Variants in RTTN observed in about 807,000 individuals in gnomAD.
RTTN encodes the protein rotatin.
A neutral mutation model predicts 269.2 loss-of-function variants in RTTN; 182 were observed. That is an observed-to-expected ratio of 0.68 (90% CI 0.60 to 0.76). The LOEUF is 0.76. Among genes scored for constraint, RTTN ranks in the 30% least tolerant of loss-of-function variants. RTTN has a pLI of 0.00. For synonymous variants in RTTN, 1,006 were observed against 963.5 expected (o/e 1.04, Z -0.82); for missense variants, 2,545 against 2,608.6 (o/e 0.98, Z 0.53).
chr18:70,148,773 T>A, intron 17 of RTTN, 128 bp downstream of exon 17: 1 of 1,091,610 alleles, frequency 9.2e-7, no homozygotes, highest in African/African-American at 1.6e-5. Flanking sequence ...CGCATTGGTT[T>A]CCTCTAGTAA....
At chr18:70,056,531 C>T (rs1328527127) in intron 37 of RTTN, among the ~76,000 whole-genome samples, 3 of 152,152 alleles carry the variant, frequency 2.0e-5, no homozygotes, top group East Asian at 3.8e-4. Context: ...TGAGACAAGC[C>T]CTATGCCAGA....
At chr18:70,064,702 C>T (rs979673988) in intron 35 of RTTN, among the ~76,000 whole-genome samples, 6 of 152,116 alleles carry the variant, frequency 3.9e-5, no homozygotes, top group African/African-American at 1.4e-4. Flanking sequence ...CAGGGAGTGA[C>T]TGCTAATGGG....
chr18:70,035,201 C>G (rs951748184), intron 40 of RTTN, among the ~76,000 whole-genome samples: 1 of 152,064 alleles, frequency 6.6e-6, no homozygotes, highest in Non-Finnish European at 1.5e-5. Context: ...CTTCATAGAA[C>G]TAGAAAAAAC....
At chr18:70,035,820 G>C (rs1357223126) in intron 40 of RTTN, among the ~76,000 whole-genome samples, 1 of 152,048 alleles carries the variant, frequency 6.6e-6, no homozygotes, top group African/African-American at 2.4e-5. Flanking sequence ...TCAGACAAAG[G>C]TCTAATATCC....
chr18:70,124,264 A>G (rs2059809052), intron 25 of RTTN, among the ~76,000 whole-genome samples: 1 of 152,040 alleles, frequency 6.6e-6, no homozygotes, highest in South Asian at 2.1e-4. Flanking sequence ...CAGCGCAAAA[A>G]CAGAATGAAT....
At chr18:70,050,967 T>C (rs1247751030) in intron 39 of RTTN, among the ~76,000 whole-genome samples, 3 of 152,016 alleles carry the variant, frequency 2.0e-5, no homozygotes, top group African/African-American at 4.8e-5. Context: ...ACCTAATGCA[T>C]GTGGGGCTTA....
intron 25 of RTTN, among the ~76,000 whole-genome samples, chr18:70,123,598 T>C (rs1258468458): frequency 6.6e-6 from 1 of 152,104 alleles, no homozygotes; most frequent in Non-Finnish European, 1.5e-5. Flanking sequence ...TGTTTCTCTG[T>C]GTGCCTGGTA....
intron 14 of RTTN, among the ~76,000 whole-genome samples, chr18:70,156,295 T>G (rs1289445334): frequency 1.3e-5 from 2 of 152,150 alleles, no homozygotes; most frequent in Non-Finnish European, 2.9e-5. Context: ...GGCCGTCTTC[T>G]ATGGTCGAGA....
chr18:70,027,158 C>G (rs1263065059), intron 43 of RTTN, among the ~76,000 whole-genome samples: 1 of 152,158 alleles, frequency 6.6e-6, no homozygotes, highest in African/African-American at 2.4e-5. Context: ...TAACCTTGTC[C>G]ACTGTTTAAT....
chr18:70,061,372 T>C lies in RTTN; in HGVS notation c.4748-1330A>G, dbSNP rs185109381. 9 of 456,222 alleles carry C rather than the reference T, an allele frequency of 2.0e-5. No homozygotes were observed. The Admixed American group carries it at 2.1e-4, about 11-fold the overall frequency. The allele number at this position is 456,222 out of a possible 1,614,324, so 28.3% of individuals were successfully genotyped here. On this transcript the variant is annotated intron_variant, in intron 35 of 48. Coordinates refer to ENST00000640769, the MANE Select transcript of RTTN (RefSeq NM_173630.4). The stretch of plus-strand genomic sequence containing the variant: ...TTCTTTCCTCGTCCAAGCTCTAAAA[T>C]TGGATATTTGTTCCAAAGTGTCGAT...
chr18:70,076,741 G>A (rs283764), intron 32 of RTTN, among the ~76,000 whole-genome samples: 7,169 of 152,038 alleles, frequency 0.047, 465 homozygotes, highest in African/African-American at 0.15. Context: ...GGTCACTGTC[G>A]TTATTTTAAA....
chr18:70,204,098 T>C lies in RTTN; in HGVS notation c.385A>G (p.Thr129Ala). 1 of 1,608,522 alleles carries C rather than the reference T, an allele frequency of 6.2e-7. No homozygotes were observed. The highest frequency in any genetic ancestry group is 8.5e-7 in the Non-Finnish European group (1 of 1,176,802). The change falls in exon 3 of 49, where the codon ACC (threonine) becomes GCC (alanine). Residue 129 changes from threonine (T) to alanine (A), a missense_variant. Coordinates refer to ENST00000640769, the MANE Select transcript of RTTN (RefSeq NM_173630.4). Reference protein sequence around the residue: ...VPALSSASYQTNQTELSKNPE... With the variant: ...VPALSSASYQANQTELSKNPE... ...TCCAAAGAGTTACCAGTTTGATTGG[T>C]TTGGTATGAGGCAGAAGATAGTGCA... is the stretch of plus-strand genomic sequence containing the variant.
chr18:70,015,006 A>T (rs2056497482), intron 46 of RTTN, among the ~76,000 whole-genome samples: 1 of 152,002 alleles, frequency 6.6e-6, no homozygotes, highest in African/African-American at 2.4e-5. Flanking sequence ...ATTTTAATAC[A>T]GCCTGTCTAG....
intron 26 of RTTN, among the ~76,000 whole-genome samples, chr18:70,116,232 G>A (rs765399011): frequency 3.3e-5 from 5 of 151,870 alleles, no homozygotes; most frequent in African/African-American, 9.7e-5. Context: ...ATACCAAGAC[G>A]CAAACTCCAT....
chr18:70,107,389 T>C (rs536934727), intron 28 of RTTN, among the ~76,000 whole-genome samples: 1 of 152,352 alleles, frequency 6.6e-6, no homozygotes, highest in East Asian at 1.9e-4. Flanking sequence ...TTGGCTGTAG[T>C]TAAGCCTTGT....
chr18:70,178,102 G>A (rs13381821), intron 10 of RTTN, among the ~76,000 whole-genome samples: 2,481 of 152,218 alleles, frequency 0.016, 64 homozygotes, highest in African/African-American at 0.057. Context: ...AGAAAAGGAG[G>A]CCGGACGCGA....
rs1472052203 is a variant in RTTN, at chr18:70,205,280, T to C, written c.67A>G (p.Lys23Glu). 4 of 1,614,188 alleles carry C rather than the reference T, an allele frequency of 2.5e-6. No individual in the cohort carries two copies. The highest frequency in any genetic ancestry group is 1.7e-5 in the Admixed American group (1 of 60,032). ...QLAEIRERAL[K>E]SILCKIEHNL... is the part of the protein sequence containing the mutation. ...TGCTCAATCTTGCAGAGAATACTCTTGAGAGCGCGCTCCCTGATCTCGGCC... is the reference window on the plus strand; with the variant it reads ...TGCTCAATCTTGCAGAGAATACTCTCGAGAGCGCGCTCCCTGATCTCGGCC... Residue 23 changes from lysine (K) to glutamate (E), a missense_variant, in exon 2 of 49, where the codon AAG (lysine) becomes GAG (glutamate). Coordinates refer to ENST00000640769, the MANE Select transcript of RTTN (RefSeq NM_173630.4).
chr18:70,130,299 A>C (rs989562039), intron 23 of RTTN: 2 of 152,062 alleles, frequency 1.3e-5, no homozygotes, highest in African/African-American at 4.8e-5. Flanking sequence ...AAGAAAGGAA[A>C]TTGGTATGTC....
At chr18:70,078,305 T>A (rs2058478913) in intron 32 of RTTN, among the ~76,000 whole-genome samples, 1 of 151,944 alleles carries the variant, frequency 6.6e-6, no homozygotes, top group Admixed American at 6.6e-5. Flanking sequence ...AACCACACTA[T>A]CAATCCAGTG....
Sources: gnomAD v4.1 joint callset for allele counts (sites outside exome capture counted in the v4.1 genomes callset) on GRCh38, gnomAD v4.1.1 for gene constraint, MANE v1.5 for transcripts, NCBI Gene and HGNC (gene_info 2026-07-23, HGNC 2026-07-21) for gene names.